Variants in PRKACA observed in about 807,000 individuals in gnomAD.
PRKACA encodes cAMP-dependent protein kinase catalytic subunit alpha.
Under a neutral mutation model 45.8 loss-of-function variants are expected in PRKACA, and 9 were observed. The ratio of observed to expected loss-of-function variants is 0.20; its 90% CI spans 0.12 to 0.34. PRKACA has a LOEUF of 0.34. Among genes scored for constraint, PRKACA ranks in the 10% least tolerant of loss-of-function variants. The pLI is 1.00. For missense variants in PRKACA, 238 were observed against 458.6 expected (o/e 0.52, Z 4.39); for synonymous variants, 160 against 178.6 (o/e 0.90, Z 0.83).
intron 2 of PRKACA, 75 bp from the exon 3 acceptor site, chr19:14,106,963 C>T: frequency 1.9e-6 from 3 of 1,570,022 alleles, no homozygotes; most frequent in Non-Finnish European, 2.6e-6. Flanking sequence ...GGGGCATCCC[C>T]TCTGCCACCG....
At chr19:14,107,471 G>C (rs1022613572) in intron 1 of PRKACA, 62 bp from the exon 2 acceptor site, 9 of 1,547,624 alleles carry the variant, frequency 5.8e-6, no homozygotes, top group Non-Finnish European at 8.0e-6. Context: ...GGGTTCAGGT[G>C]ATTTCTGGGG....
rs1791818518 is a variant in PRKACA, at chr19:14,092,067, C to G, written c.*1045G>C. On this transcript the variant is annotated 3_prime_UTR_variant, in exon 10 of 10. Coordinates refer to ENST00000308677, the MANE Select transcript of PRKACA (RefSeq NM_002730.4). Reference sequence around the variant, plus strand: ...TCCCCAGCAGCTCTAGCCTTGAACCCCGGGCCGTGGCTTGGGGGGACTTGG... The same window carrying G: ...TCCCCAGCAGCTCTAGCCTTGAACCGCGGGCCGTGGCTTGGGGGGACTTGG... 1 of 152,364 alleles carries G rather than the reference C, an allele frequency of 6.6e-6. No homozygotes were observed. Among genetic ancestry groups the G allele is most frequent in the Non-Finnish European group, 1.5e-5 (1 of 68,152 alleles). 9.4% of individuals were successfully genotyped at this position (152,364 alleles called of 1,614,324 possible). A position where few individuals can be genotyped will look rare whatever the true frequency, so the allele number is the denominator to read the frequency against.
At chr19:14,102,786 AC>A (rs760204077) in intron 4 of PRKACA, 29 bp downstream of exon 4, 11 of 1,574,450 alleles carry the variant, frequency 7.0e-6, no homozygotes, top group Admixed American at 3.3e-5. Flanking sequence ...CAATGCAGTG[AC>A]CCCCCGCCCT....
chr19:14,111,240 A>C (rs1173176507), intron 1 of PRKACA, among the ~76,000 whole-genome samples: 1 of 152,176 alleles, frequency 6.6e-6, no homozygotes, highest in African/African-American at 2.4e-5. Flanking sequence ...TCTACTAAAA[A>C]TACAAAATTA....
intron 3 of PRKACA, among the ~76,000 whole-genome samples, chr19:14,104,944 G>C (rs1977559818): frequency 6.6e-6 from 1 of 152,122 alleles, no homozygotes; most frequent in Non-Finnish European, 1.5e-5. Context: ...TTCAGGCATG[G>C]TTGGAACAAC....
At chr19:14,110,964 C>T (rs940932521) in intron 1 of PRKACA, among the ~76,000 whole-genome samples, 1 of 152,254 alleles carries the variant, frequency 6.6e-6, no homozygotes. Flanking sequence ...CACCGAGGGG[C>T]CCTGTACACT....
Position 14,109,937 on chromosome 19 carries a change from C to CAA in PRKACA, c.47-2530_47-2529dup, listed in dbSNP as rs869056089. On this transcript the variant is annotated intron_variant, in intron 1 of 9. Transcript: ENST00000308677. ...TAGGCGACAGAGTGAGACTCTGTCT[C>CAA]AAAAAAAAAAAAAAAAAAAAAAAAA... 1.7e-3 allele frequency among the ~76,000 whole-genome samples: 29 copies of CAA among 17,546 alleles called. 3 individuals are homozygous for CAA. Among genetic ancestry groups the CAA allele is most frequent in the Admixed American group, 3.3e-3 (4 of 1,222 alleles). The allele number at this position is 17,546 out of a possible 152,430, so 11.5% of individuals were successfully genotyped here.
At chr19:14,111,264 G>A (rs1966955358) in intron 1 of PRKACA, among the ~76,000 whole-genome samples, 1 of 152,230 alleles carries the variant, frequency 6.6e-6, no homozygotes. Context: ...GGGCGTGGTG[G>A]CACATGCCTG....
At position 14,092,844 on chromosome 19, in the gene PRKACA, C is replaced by T. The variant is rs891382693; in HGVS notation, c.*268G>A. On this transcript the variant is annotated 3_prime_UTR_variant, in exon 10 of 10. Coordinates refer to ENST00000308677, the MANE Select transcript of PRKACA (RefSeq NM_002730.4). Reference sequence around the variant, plus strand: ...AACAGGCAGAAGTGGGCTGGGAGGGCTGAGGGGCTGGGGGGCTGTGGGGAA... The same window carrying T: ...AACAGGCAGAAGTGGGCTGGGAGGGTTGAGGGGCTGGGGGGCTGTGGGGAA... 2.8e-6 allele frequency: 1 copy of T among 353,130 alleles called. No individual in the cohort carries two copies. Among genetic ancestry groups the T allele is most frequent in the Non-Finnish European group, 4.9e-6 (1 of 203,148 alleles). 21.9% of individuals were successfully genotyped at this position (353,130 alleles called of 1,614,324 possible).
rs111733526 is a variant in PRKACA, at chr19:14,101,591, C to T, written c.337-683G>A. ...CAAAACAAAACAAAATGGCCGGGCA[C>T]GGCTCACACCTGCAATCCCAGCACT... On this transcript the variant is annotated intron_variant, in intron 4 of 9. Transcript: ENST00000308677. Among the ~76,000 whole-genome samples the T allele has an allele frequency of 8.3e-3, 1,259 of 151,772 alleles. 21 individuals are homozygous for T. Among genetic ancestry groups the T allele is most frequent in the African/African-American group, 0.029 (1,181 of 41,380 alleles).
intron 3 of PRKACA, 69 bp from the exon 4 acceptor site, chr19:14,102,983 T>C: frequency 8.0e-7 from 1 of 1,257,534 alleles, no homozygotes; most frequent in Non-Finnish European, 1.2e-6. Flanking sequence ...CCCTAATGCC[T>C]GGAACTAGGG....
intron 1 of PRKACA, among the ~76,000 whole-genome samples, chr19:14,111,526 C>G (rs1010150614): frequency 1.3e-5 from 2 of 152,174 alleles, no homozygotes. Flanking sequence ...GGGTGCCTGG[C>G]TGGGCCACCA....
intron 3 of PRKACA, among the ~76,000 whole-genome samples, chr19:14,104,223 G>A (rs558908280): frequency 2.5e-4 from 38 of 151,046 alleles, no homozygotes; most frequent in Non-Finnish European, 5.2e-4. Context: ...TGTAGTCCCT[G>A]CTACTCGGGA....
Position 14,100,809 on chromosome 19 carries a change from G to C in PRKACA, c.419+17C>G. ...GACACCCTGACAGCCTGATGTGATG[G>C]GGGGTGGCCCGCTTACCTGAACCTT... On this transcript the variant is annotated intron_variant, in intron 5 of 9. Coordinates refer to ENST00000308677, the MANE Select transcript of PRKACA (RefSeq NM_002730.4). The C allele has an allele frequency of 6.2e-7, 1 of 1,613,124 alleles. No individual in the cohort carries two copies. Among genetic ancestry groups the C allele is most frequent in the Non-Finnish European group, 8.5e-7 (1 of 1,179,112 alleles).
intron 8 of PRKACA, 112 bp from the exon 9 acceptor site, chr19:14,093,904 G>T: frequency 8.8e-7 from 1 of 1,140,518 alleles, no homozygotes; most frequent in Non-Finnish European, 1.2e-6. Flanking sequence ...CCAAAGCAGA[G>T]TGCCTGCCAG....
rs1977284243 is a variant in PRKACA, at chr19:14,097,165, C to T, written c.765+196G>A. 1.3e-5 allele frequency: 10 copies of T among 767,762 alleles called. No homozygotes were observed. Among genetic ancestry groups the T allele is most frequent in the Admixed American group, 5.3e-5 (2 of 38,018 alleles). 47.6% of individuals were successfully genotyped at this position (767,762 alleles called of 1,614,324 possible). A position where few individuals can be genotyped will look rare whatever the true frequency, so the allele number is the denominator to read the frequency against. ...GGAAGCCCATGGGATTCTGGAACCGCGGGGTTGGGGCTGGACAGCAAGGGG... is the reference window on the plus strand; with the variant it reads ...GGAAGCCCATGGGATTCTGGAACCGTGGGGTTGGGGCTGGACAGCAAGGGG... On this transcript the variant is annotated intron_variant, in intron 8 of 9. Coordinates refer to ENST00000308677, the MANE Select transcript of PRKACA (RefSeq NM_002730.4). The surrounding 1 kb of genome is among the most constrained non-coding windows in gnomAD (Gnocchi z 5.4).
chr19:14,109,937 C>CAAAAAAAA (rs869056089), intron 1 of PRKACA, among the ~76,000 whole-genome samples: 1 of 17,548 alleles, frequency 5.7e-5, no homozygotes, highest in African/African-American at 3.3e-4. Flanking sequence ...GACTCTGTCT[C>CAAAAAAAA]AAAAAAAAAA....
rs764123920 is a variant in PRKACA, at chr19:14,106,892, TG to T, written c.109-5del. ...ACTGATCCAAGTGGGCTGTGTTCTG[TG>T]GGCAGAGGGGTCGGTAGGCTCAGGG... On this transcript the variant is annotated splice_polypyrimidine_tract_variant and splice_region_variant and intron_variant, in intron 2 of 9. Coordinates refer to ENST00000308677, the MANE Select transcript of PRKACA (RefSeq NM_002730.4). 1.2e-6 allele frequency: 2 copies of T among 1,613,518 alleles called. No individual in the cohort carries two copies. Among genetic ancestry groups the T allele is most frequent in the Non-Finnish European group, 1.7e-6 (2 of 1,179,770 alleles).
rs1977126434 is a variant in PRKACA at position 14,092,961 on chromosome 19, C to A, written c.*151G>T. Reference sequence around the variant, plus strand: ...CTGTCCCTCTGATTATCTGGGCTTCCTGCTCCCCCTAACCCTGGAGGGTGG... The same window carrying A: ...CTGTCCCTCTGATTATCTGGGCTTCATGCTCCCCCTAACCCTGGAGGGTGG... On this transcript the variant is annotated 3_prime_UTR_variant, in exon 10 of 10. Coordinates refer to ENST00000308677, the MANE Select transcript of PRKACA (RefSeq NM_002730.4). The A allele has an allele frequency of 9.9e-7, 1 of 1,005,708 alleles. No individual in the cohort carries two copies. The highest frequency in any genetic ancestry group is 3.0e-5 in the Admixed American group (1 of 33,534). The allele number at this position is 1,005,708 out of a possible 1,614,324, so 62.3% of individuals were successfully genotyped here.
Sources: gnomAD v4.1 joint callset for allele counts (sites outside exome capture counted in the v4.1 genomes callset) on GRCh38, gnomAD v4.1.1 for gene constraint, Gnocchi (gnomAD v3.1) non-coding constraint, MANE v1.5 for transcripts, NCBI Gene and HGNC (gene_info 2026-07-23, HGNC 2026-07-21) for gene names.